Variants in CDCA2 observed in about 807,000 individuals in gnomAD.
CDCA2 encodes cell division cycle associated 2, also known as cell division cycle-associated protein 2.
Under a neutral mutation model 67.0 loss-of-function variants are expected in CDCA2, and 44 were observed. That is an observed-to-expected ratio of 0.66 (90% CI 0.52 to 0.84). The LOEUF (loss-of-function observed/expected upper bound fraction) is 0.84. Ranked by LOEUF, CDCA2 falls within the 40% of genes least tolerant of loss-of-function variation. The pLI, the probability that CDCA2 is intolerant of heterozygous loss-of-function variation, is 0.00. For synonymous variants in CDCA2, 447 were observed against 418.7 expected, an observed-to-expected ratio of 1.07 and a Z score of -0.82; for missense variants, 1,253 against 1,203.2, an observed-to-expected ratio of 1.04 and a Z score of -0.61.
At chr8:25,468,003 A>G (rs990010993) in intron 5 of CDCA2, among the ~76,000 whole-genome samples, 1 of 151,106 alleles carries the variant, frequency 6.6e-6, no homozygotes, top group Non-Finnish European at 1.5e-5. Flanking sequence ...CTGTAATCTC[A>G]GCTATTTGAG....
intron 6 of CDCA2, 119 bp downstream of exon 6, chr8:25,468,532 GGTGTGTGTGTGTGTGT>G (rs3841182): frequency 2.4e-6 from 1 of 423,122 alleles, no homozygotes; most frequent in Non-Finnish European, 4.2e-6. Flanking sequence ...TGGTTCCTGG[GGTGTGTGTGTGTGTGT>G]GTGTGTGTGC....
intron 7 of CDCA2, among the ~76,000 whole-genome samples, chr8:25,473,974 AG>A (rs1265006303): frequency 3.3e-5 from 5 of 152,342 alleles, no homozygotes; most frequent in Non-Finnish European, 5.9e-5. Flanking sequence ...ATACAAAAAA[AG>A]GTTTCTGGGC....
chr8:25,480,809 T>C (rs1243294608), intron 8 of CDCA2, among the ~76,000 whole-genome samples: 1 of 152,210 alleles, frequency 6.6e-6, no homozygotes, highest in Non-Finnish European at 1.5e-5. Context: ...AAGTTTCAGA[T>C]CTTGACTTGG....
At chr8:25,494,943 G>A (rs1382391163) in intron 13 of CDCA2, among the ~76,000 whole-genome samples, 1 of 151,966 alleles carries the variant, frequency 6.6e-6, no homozygotes, top group Non-Finnish European at 1.5e-5. Context: ...CAAGGAGAGA[G>A]GCCCCAAGAG....
At chr8:25,486,569 A>AAGGC (rs1250238705) in intron 11 of CDCA2, among the ~76,000 whole-genome samples, 1 of 151,928 alleles carries the variant, frequency 6.6e-6, no homozygotes, top group African/African-American at 2.4e-5. Context: ...TTGGGAGGCT[A>AAGGC]AGGCAGGCAG....
intron 13 of CDCA2, among the ~76,000 whole-genome samples, chr8:25,492,790 G>C (rs1563278708): frequency 6.6e-6 from 1 of 152,204 alleles, no homozygotes; most frequent in Non-Finnish European, 1.5e-5. Flanking sequence ...GCAGGACAAT[G>C]TGAGTATTAA....
At chr8:25,493,843 A>G (rs1423666727) in intron 13 of CDCA2, among the ~76,000 whole-genome samples, 1 of 152,216 alleles carries the variant, frequency 6.6e-6, no homozygotes, top group African/African-American at 2.4e-5. Flanking sequence ...AGTATTTGGC[A>G]GTATCTGGCC....
At chr8:25,461,787 A>T in intron 3 of CDCA2, among the ~76,000 whole-genome samples, 1 of 152,256 alleles carries the variant, frequency 6.6e-6, no homozygotes, top group East Asian at 1.9e-4. Flanking sequence ...ATGAAAACTT[A>T]AAATGTGTTC....
intron 10 of CDCA2, 61 bp from the exon 11 acceptor site, chr8:25,485,698 G>T: frequency 4.6e-6 from 4 of 870,526 alleles, no homozygotes; most frequent in Non-Finnish European, 7.2e-6. Context: ...CTCTTCTTTT[G>T]GGCACATTAT....
chr8:25,465,831 G>A (rs193143538), intron 4 of CDCA2, among the ~76,000 whole-genome samples: 1 of 152,324 alleles, frequency 6.6e-6, no homozygotes, highest in East Asian at 1.9e-4. Flanking sequence ...GCACCATGCA[G>A]ATGGCTTCCT....
chr8:25,481,148 AAT>A (rs1803552706), intron 8 of CDCA2, among the ~76,000 whole-genome samples: 1 of 151,848 alleles, frequency 6.6e-6, no homozygotes. Flanking sequence ...GGCCAGGTAC[AAT>A]AGCTCACACC....
At chr8:25,477,194 G>A (rs1803384590) in intron 7 of CDCA2, among the ~76,000 whole-genome samples, 1 of 152,244 alleles carries the variant, frequency 6.6e-6, no homozygotes, top group East Asian at 1.9e-4. Flanking sequence ...TTTCCTTGAT[G>A]TCTTAGCAGC....
At chr8:25,462,354 C>T (rs891732001) in intron 4 of CDCA2, 146 bp downstream of exon 4, 5 of 845,242 alleles carry the variant, frequency 5.9e-6, no homozygotes, top group African/African-American at 1.7e-5. Context: ...CGGCCGGGCG[C>T]GGTGGCTCAC....
chr8:25,468,073 G>A (rs893770392), intron 5 of CDCA2, 144 bp from the exon 6 acceptor site: 5 of 259,502 alleles, frequency 1.9e-5, no homozygotes, highest in East Asian at 7.3e-5. Flanking sequence ...AGCTGAAATC[G>A]CACCATTGTA....
At chr8:25,483,328 C>G in intron 8 of CDCA2, 71 bp from the exon 9 acceptor site, 2 of 936,914 alleles carry the variant, frequency 2.1e-6, no homozygotes, top group Non-Finnish European at 1.6e-6. Context: ...AATTTCAAAA[C>G]TGCTGTTCTT....
chr8:25,499,337 C>T (rs917043548), intron 13 of CDCA2, among the ~76,000 whole-genome samples: 52 of 118,990 alleles, frequency 4.4e-4, no homozygotes, highest in Admixed American at 1.5e-3. Flanking sequence ...CAGAGTCTCT[C>T]TCTGTCACCC....
At position 25,474,560 on chromosome 8, in the gene CDCA2, T is replaced by G. The variant is rs116951823; in HGVS notation, c.820+4580T>G. 6.7e-3 allele frequency among the ~76,000 whole-genome samples: 1,019 copies of G among 152,350 alleles called. 23 individuals are homozygous for G. The highest frequency in any genetic ancestry group is 0.046 in the South Asian group (223 of 4,830). On this transcript the variant is annotated intron_variant, in intron 7 of 14. Transcript: ENST00000330560. ...CATAGTAGTTGCTTGTGATCCTTTG[T>G]ATTTTGGTGTCAGGTTCTCTGGTTG...
chr8:25,501,966 C>T (rs1314044262), intron 13 of CDCA2, among the ~76,000 whole-genome samples: 1 of 152,140 alleles, frequency 6.6e-6, no homozygotes, highest in Non-Finnish European at 1.5e-5. Context: ...GGCGCGATCT[C>T]GGCTCACTGC....
chr8:25,495,350 T>C (rs4872317), intron 13 of CDCA2, among the ~76,000 whole-genome samples: 146,277 of 152,258 alleles, frequency 0.96, 70,507 homozygotes, highest in East Asian at 1. Context: ...ATTCTTACTA[T>C]GTCAAGTTGG....
Sources: gnomAD v4.1 joint callset for allele counts (sites outside exome capture counted in the v4.1 genomes callset) on GRCh38, gnomAD v4.1.1 for gene constraint, MANE v1.5 for transcripts, NCBI Gene and HGNC (gene_info 2026-07-23, HGNC 2026-07-21) for gene names.